Variants in YWHAG observed in about 807,000 individuals in gnomAD.
YWHAG encodes the protein tyrosine 3-monooxygenase/tryptophan 5-monooxygenase activation protein gamma, also known as 14-3-3 protein gamma.
In YWHAG, 1 loss-of-function variant was observed where a neutral mutation model predicts 23.3. The observed-to-expected ratio is 0.04, with a 90% CI of 0.02 to 0.20. YWHAG has a LOEUF of 0.20. YWHAG is among the 10% of genes least tolerant of loss of function. YWHAG has a pLI of 1.00. For missense variants in YWHAG, 151 were observed against 338.6 expected (o/e 0.45, Z 4.35); for synonymous variants, 160 against 144.0 (o/e 1.11, Z -0.80).
rs141236645 is a variant in YWHAG, at chr7:76,346,414, A to G, written c.87+12308T>C. Among the ~76,000 whole-genome samples, 349 of 152,324 alleles carry G rather than the reference A, an allele frequency of 2.3e-3. 2 individuals are homozygous for G. Among genetic ancestry groups the G allele is most frequent in the African/African-American group, 8.1e-3 (335 of 41,568 alleles). ...TGTCAGTTCTACCAGGGAAGAGGAT[A>G]TTATATTCTGCAGCTGTTAGGCCAG... On this transcript the variant is annotated intron_variant, in intron 1 of 1. Transcript: ENST00000307630.
In YWHAG at chr7:76,329,345, C is replaced by G. The variant is rs1441064176; in HGVS notation, c.*232G>C. 4 of 572,118 alleles carry G rather than the reference C, an allele frequency of 7.0e-6. No individual in the cohort carries two copies. The East Asian group carries it at 1.2e-4, about 17-fold the overall frequency. 35.4% of individuals were successfully genotyped at this position (572,118 alleles called of 1,614,324 possible). On this transcript the variant is annotated 3_prime_UTR_variant, in exon 2 of 2. Transcript: ENST00000307630. This position sits in a 1 kb window ranked among gnomAD's most constrained non-coding sequence, Gnocchi z 6.1. Reference sequence around the variant, plus strand: ...CACTTGCATGAATCTACAGAACAGTCCAGACGCCAGTGTGAGGCTGCTATT... The same window carrying G: ...CACTTGCATGAATCTACAGAACAGTGCAGACGCCAGTGTGAGGCTGCTATT...
chr7:76,335,335 C>T (rs536153590), intron 1 of YWHAG, among the ~76,000 whole-genome samples: 230 of 152,274 alleles, frequency 1.5e-3, no homozygotes, highest in African/African-American at 5.2e-3. Flanking sequence ...GGATTACAGG[C>T]GTGAGCCACC....
Position 76,358,705 on chromosome 7 carries a change from G to A in YWHAG, c.87+17C>T. 1.3e-6 allele frequency: 2 copies of A among 1,565,760 alleles called. No individual in the cohort carries two copies. The highest frequency in any genetic ancestry group is 1.7e-6 in the Non-Finnish European group (2 of 1,154,602). Reference sequence around the variant, plus strand: ...CGGAGGGGCAGGGAGCGGCGGGGGAGGGGAGGAGACACTCACGTTCTTCAT... The same window carrying A: ...CGGAGGGGCAGGGAGCGGCGGGGGAAGGGAGGAGACACTCACGTTCTTCAT... On this transcript the variant is annotated intron_variant, in intron 1 of 1. Transcript: ENST00000307630.
chr7:76,333,035 A>T (rs1369782886), intron 1 of YWHAG, among the ~76,000 whole-genome samples: 1 of 152,114 alleles, frequency 6.6e-6, no homozygotes, highest in Non-Finnish European at 1.5e-5. Flanking sequence ...CAGTGGCACT[A>T]TCTTGGCTCA....
At position 76,337,592 on chromosome 7, in the gene YWHAG, T is replaced by C. The variant is rs568621875; in HGVS notation, c.88-7359A>G. Among the ~76,000 whole-genome samples the C allele has an allele frequency of 1.4e-3, 214 of 150,910 alleles. 1 individual carries two copies. The highest frequency in any genetic ancestry group is 4.9e-3 in the African/African-American group (202 of 40,978). On this transcript the variant is annotated intron_variant, in intron 1 of 1. Transcript: ENST00000307630. ...CTCTGCCACCCAGGCTGGAGTGCAG[T>C]GGTGTGATCTCGGCTCACTGTGGCC...
intron 1 of YWHAG, among the ~76,000 whole-genome samples, chr7:76,335,561 T>C (rs927227869): frequency 3.9e-5 from 6 of 152,252 alleles, no homozygotes; most frequent in African/African-American, 1.2e-4. Flanking sequence ...TTAGCAACTC[T>C]TGAAATTCTT....
At chr7:76,355,994 T>C (rs767507685) in intron 1 of YWHAG, among the ~76,000 whole-genome samples, 2 of 152,234 alleles carry the variant, frequency 1.3e-5, no homozygotes, top group African/African-American at 2.4e-5. Context: ...TTCAAAATAC[T>C]GCACAATACA....
rs756051646 is a variant in YWHAG, at chr7:76,329,549, C to T, written c.*28G>A. 1.8e-5 allele frequency: 28 copies of T among 1,567,722 alleles called. No homozygotes were observed. Among genetic ancestry groups the T allele is most frequent in the African/African-American group, 8.2e-5 (6 of 73,580 alleles). On this transcript the variant is annotated 3_prime_UTR_variant, in exon 2 of 2. Coordinates refer to ENST00000307630, the MANE Select transcript of YWHAG (RefSeq NM_012479.4). This position sits in a 1 kb window ranked among gnomAD's most constrained non-coding sequence, Gnocchi z 6.1. ...AAATAAAGACTGCAGTAGTAGCATC[C>T]GCGTGCGCTGCCAGTTCCCCTGGGG... is the stretch of plus-strand genomic sequence containing the variant.
chr7:76,339,539 G>A (rs1199265065), intron 1 of YWHAG, among the ~76,000 whole-genome samples: 9 of 151,928 alleles, frequency 5.9e-5, no homozygotes, highest in African/African-American at 2.2e-4. Context: ...AAGAACAAAG[G>A]ATACCTTTAT....
Position 76,355,946 on chromosome 7 carries a change from A to ATCTG in YWHAG, c.87+2772_87+2775dup, listed in dbSNP as rs1464938849. On this transcript the variant is annotated intron_variant, in intron 1 of 1. Coordinates refer to ENST00000307630, the MANE Select transcript of YWHAG (RefSeq NM_012479.4). ...ACTCTCCTTCAATACAAGACTAAACATCTGTCTTAAAAGACCTAACATTCC... is the reference window on the plus strand; with the variant it reads ...ACTCTCCTTCAATACAAGACTAAACATCTGTCTGTCTTAAAAGACCTAACATTCC... 2.0e-5 allele frequency among the ~76,000 whole-genome samples: 3 copies of ATCTG among 152,346 alleles called. No homozygotes were observed. The East Asian group carries it at 5.8e-4, about 29-fold the overall frequency.
chr7:76,346,350 G>A (rs961083771), intron 1 of YWHAG, among the ~76,000 whole-genome samples: 2 of 152,126 alleles, frequency 1.3e-5, no homozygotes, highest in African/African-American at 2.4e-5. Flanking sequence ...GTTCTGCATG[G>A]TTCCAACACA....
chr7:76,338,480 T>C (rs886230069), intron 1 of YWHAG, among the ~76,000 whole-genome samples: 2 of 151,956 alleles, frequency 1.3e-5, no homozygotes, highest in Non-Finnish European at 2.9e-5. Flanking sequence ...CTCAGAGAAA[T>C]AACATGACTT....
chr7:76,341,604 A>G (rs762164157), intron 1 of YWHAG, among the ~76,000 whole-genome samples: 36 of 152,140 alleles, frequency 2.4e-4, no homozygotes, highest in Admixed American at 3.3e-4. Context: ...GATGATCTCG[A>G]AAACATTTTG....
chr7:76,339,967 T>C (rs1003447434), intron 1 of YWHAG, among the ~76,000 whole-genome samples: 4 of 151,900 alleles, frequency 2.6e-5, no homozygotes, highest in Non-Finnish European at 5.9e-5. Context: ...CACACACCTG[T>C]AATCCCAGCT....
At chr7:76,348,623 C>A (rs1803822862) in intron 1 of YWHAG, among the ~76,000 whole-genome samples, 1 of 152,000 alleles carries the variant, frequency 6.6e-6, no homozygotes, top group South Asian at 2.1e-4. Flanking sequence ...CCAGGATGGT[C>A]TTGATCTCCT....
intron 1 of YWHAG, among the ~76,000 whole-genome samples, chr7:76,348,255 C>A: frequency 6.9e-6 from 1 of 145,136 alleles, no homozygotes; most frequent in East Asian, 2.1e-4. Flanking sequence ...AAACAAGAGC[C>A]TTAGACTTCG....
intron 1 of YWHAG, among the ~76,000 whole-genome samples, chr7:76,336,939 C>T (rs550963955): frequency 5.4e-4 from 82 of 152,286 alleles, no homozygotes; most frequent in Admixed American, 1.8e-3. Flanking sequence ...GCAGGATGTG[C>T]GCTGCTGTCC....
chr7:76,337,912 T>G (rs1241879960), intron 1 of YWHAG, among the ~76,000 whole-genome samples: 4 of 152,154 alleles, frequency 2.6e-5, no homozygotes, highest in African/African-American at 9.7e-5. Flanking sequence ...TGAGTCCCAG[T>G]ACATCACCAA....
chr7:76,333,371 G>T (rs1583983563), intron 1 of YWHAG, among the ~76,000 whole-genome samples: 3 of 152,338 alleles, frequency 2.0e-5, no homozygotes, highest in South Asian at 2.1e-4. Context: ...TCAGAGTGCT[G>T]GGATTACAGG....
Sources: allele counts gnomAD v4.1 joint callset (sites outside exome capture counted in the v4.1 genomes callset), GRCh38; gene constraint gnomAD v4.1.1; non-coding constraint Gnocchi (gnomAD v3.1); transcripts MANE v1.5; gene names NCBI Gene and HGNC (gene_info 2026-07-23, HGNC 2026-07-21).